CBR4: variants seen among roughly 807,000 people sequenced by gnomAD.
CBR4 encodes carbonyl reductase 4.
CBR4 carries 22 observed loss-of-function variants against 21.0 expected under a neutral mutation model. The ratio of observed to expected loss-of-function variants is 1.05; its 90% CI spans 0.75 to 1.50. CBR4 has a LOEUF of 1.50. CBR4 is among the 40% of genes most tolerant of loss of function. The pLI is 0.00. For missense variants in CBR4, 302 were observed against 286.3 expected (o/e 1.05, Z -0.40); for synonymous variants, 100 against 104.4 (o/e 0.96, Z 0.26).
intron 2 of CBR4, among the ~76,000 whole-genome samples, chr4:168,910,550 A>G (rs953058244): frequency 1.3e-5 from 2 of 152,202 alleles, no homozygotes; most frequent in East Asian, 3.8e-4. Context: ...TTATAATTAT[A>G]TCCATAGTGA....
At chr4:168,937,286 T>C (rs1763139551) in intron 2 of CBR4, among the ~76,000 whole-genome samples, 1 of 152,122 alleles carries the variant, frequency 6.6e-6, no homozygotes, top group Non-Finnish European at 1.5e-5. Flanking sequence ...TCACCAGGCC[T>C]GACTTACAAG....
intron 2 of CBR4, chr4:168,916,048 G>T: frequency 1.2e-6 from 2 of 1,609,044 alleles, no homozygotes; most frequent in Non-Finnish European, 1.7e-6. Context: ...GTTATTGCTT[G>T]CATATCCTAT....
chr4:168,899,363 A>G (rs1369887835), intron 2 of CBR4, among the ~76,000 whole-genome samples: 2 of 152,188 alleles, frequency 1.3e-5, no homozygotes, highest in Non-Finnish European at 2.9e-5. Context: ...AGTAAACAGG[A>G]GTACACTTTT....
intron 2 of CBR4, among the ~76,000 whole-genome samples, chr4:168,966,784 C>T (rs1268223556): frequency 6.6e-6 from 1 of 152,006 alleles, no homozygotes; most frequent in Non-Finnish European, 1.5e-5. Flanking sequence ...TTTGGGAGGC[C>T]GAGGCGGGCG....
chr4:168,900,071 A>G (rs1756159247), intron 2 of CBR4, among the ~76,000 whole-genome samples: 2 of 152,220 alleles, frequency 1.3e-5, no homozygotes, highest in Non-Finnish European at 2.9e-5. Flanking sequence ...ACACAGCAAG[A>G]GTAGGAGCAA....
At chr4:168,982,020 A>AT (rs1764561590) in intron 2 of CBR4, among the ~76,000 whole-genome samples, 1 of 152,228 alleles carries the variant, frequency 6.6e-6, no homozygotes, top group Non-Finnish European at 1.5e-5. Context: ...TCAAGTCTAC[A>AT]TAACAATCAG....
chr4:168,920,212 T>C (rs1420415389), intron 2 of CBR4, among the ~76,000 whole-genome samples: 7 of 152,174 alleles, frequency 4.6e-5, no homozygotes, highest in Admixed American at 3.9e-4. Flanking sequence ...AGTGGATAGA[T>C]AGGAGAACAC....
chr4:168,966,435 G>A (rs1764033951), intron 2 of CBR4, among the ~76,000 whole-genome samples: 1 of 151,698 alleles, frequency 6.6e-6, no homozygotes, highest in African/African-American at 2.4e-5. Flanking sequence ...GCTGAGGCAG[G>A]AGAATGGTGT....
intron 2 of CBR4, among the ~76,000 whole-genome samples, chr4:168,978,716 G>C (rs1161634043): frequency 6.6e-6 from 1 of 152,174 alleles, no homozygotes; most frequent in Non-Finnish European, 1.5e-5. Context: ...GAGCACTCCT[G>C]CACCAGCAGC....
intron 2 of CBR4, among the ~76,000 whole-genome samples, chr4:168,964,352 T>C (rs1346399407): frequency 1.3e-5 from 2 of 152,190 alleles, no homozygotes; most frequent in Admixed American, 6.5e-5. Context: ...GATTTTCTTA[T>C]GTCATAATGC....
chr4:168,922,002 G>C (rs1055139936), intron 2 of CBR4, among the ~76,000 whole-genome samples: 2 of 151,546 alleles, frequency 1.3e-5, no homozygotes, highest in Non-Finnish European at 2.9e-5. Context: ...GTGTATAGTG[G>C]CCCCTAGTGT....
intron 2 of CBR4, among the ~76,000 whole-genome samples, chr4:168,964,697 G>A (rs191495496): frequency 8.8e-4 from 134 of 152,358 alleles, no homozygotes; most frequent in Non-Finnish European, 1.5e-3. Flanking sequence ...TATGGTATTT[G>A]AGAGTAGCCT....
At chr4:169,009,510 G>C (rs1731212674) in intron 1 of CBR4, among the ~76,000 whole-genome samples, 1 of 152,242 alleles carries the variant, frequency 6.6e-6, no homozygotes. Context: ...GTTGGTACCT[G>C]CACTCCCACC....
intron 3 of CBR4, 95 bp downstream of exon 3, chr4:169,006,660 T>C: frequency 1.8e-6 from 2 of 1,129,784 alleles, no homozygotes; most frequent in Non-Finnish European, 2.6e-6. Context: ...ATAAATTTCA[T>C]TCATGTTTCA....
rs776045786 is a variant in CBR4 at position 168,990,243 on chromosome 4, A to G, written c.621T>C (p.Ile207=). 6.2e-7 allele frequency: 1 copy of G among 1,613,772 alleles called. No homozygotes were observed. Among genetic ancestry groups the G allele is most frequent in the East Asian group, 2.2e-5 (1 of 44,834 alleles). ...NIPLGRFGET[I]EVAHAVVFLL... ...GAAACACAACCGCATGTGCCACCTC[A>G]ATAGTTTCTCCAAACCTCCCAAGAG... The change falls in exon 5 of 5, where the codon ATT becomes ATC. Residue 207 remains isoleucine (I), a synonymous_variant. Coordinates refer to ENST00000306193, the MANE Select transcript of CBR4 (RefSeq NM_032783.5).
Position 168,964,342 on chromosome 4 carries a change from G to A in CBR4, n.169+37729C>T, listed in dbSNP as rs373918424. Among the ~76,000 whole-genome samples the A allele has an allele frequency of 1.8e-4, 28 of 152,194 alleles. 1 individual carries two copies. Among genetic ancestry groups the A allele is most frequent in the Middle Eastern group, 6.8e-3 (2 of 294 alleles). ...CCACTAAGTTTTGTCAAAATCAATT[G>A]ATTTTCTTATGTCATAATGCCAGAC... On this transcript the variant is annotated intron_variant and non_coding_transcript_variant, in intron 2 of 3. Coordinates refer to the CBR4 transcript ENST00000509108.
In CBR4 at chr4:169,002,174, G is replaced by C. The variant is rs1730501780; in HGVS notation, c.432C>G (p.Gly144=). Reference sequence around the variant, plus strand: ...CTTTACTGGCACTGTAAACGGACTGGCCAGAGTTGCCTTTTAAGCCAACAA... The same window carrying C: ...CTTTACTGGCACTGTAAACGGACTGCCCAGAGTTGCCTTTTAAGCCAACAA... ...GSIVGLKGNS[G]QSVYSASKGG... Residue 144 remains glycine (G), a synonymous_variant, in exon 4 of 5, where the codon GGC becomes GGG. Transcript: ENST00000306193. 2 of 1,502,182 alleles carry C rather than the reference G, an allele frequency of 1.3e-6. No individual in the cohort carries two copies. The highest frequency in any genetic ancestry group is 1.8e-6 in the Non-Finnish European group (2 of 1,129,148). The allele number at this position is 1,502,182 out of a possible 1,614,324, so 93.1% of individuals were successfully genotyped here. A position where few individuals can be genotyped will look rare whatever the true frequency, so the allele number is the denominator to read the frequency against.
At chr4:168,896,788 C>A (rs1463226850) in intron 2 of CBR4, among the ~76,000 whole-genome samples, 1 of 152,058 alleles carries the variant, frequency 6.6e-6, no homozygotes, top group Middle Eastern at 3.4e-3. Flanking sequence ...CATGTATTTA[C>A]CAGCTTGAAT....
rs189460376 is a variant in CBR4 at position 168,935,135 on chromosome 4, G to A, written n.170-40370C>T. 5.0e-3 allele frequency among the ~76,000 whole-genome samples: 763 copies of A among 152,314 alleles called. 3 individuals carry two copies. The highest frequency in any genetic ancestry group is 8.0e-3 in the Non-Finnish European group (541 of 68,024). ...TGCAGCCCATGGAGGGCGAGCAGAA[G>A]CAGGGTGGGGTGTCACCTCACATGG... is the stretch of plus-strand genomic sequence containing the variant. On this transcript the variant is annotated intron_variant and non_coding_transcript_variant, in intron 2 of 3. Coordinates refer to the CBR4 transcript ENST00000509108.
Sources: gnomAD v4.1 joint callset for allele counts (sites outside exome capture counted in the v4.1 genomes callset) on GRCh38, gnomAD v4.1.1 for gene constraint, MANE v1.5 for transcripts, NCBI Gene and HGNC (gene_info 2026-07-23, HGNC 2026-07-21) for gene names.